The following ZNF570 variants were observed in gnomAD, a reference collection of about 807,000 sequenced individuals.
ZNF570 encodes the protein zinc finger protein 570.
Under a neutral mutation model 14.2 loss-of-function variants are expected in ZNF570, and 8 were observed. The ratio of observed to expected loss-of-function variants is 0.56; its 90% CI spans 0.33 to 1.02. ZNF570 has a LOEUF of 1.02. ZNF570 is among the 50% of genes least tolerant of loss of function. ZNF570 has a pLI of 0.03. For missense variants in ZNF570, 559 were observed against 624.9 expected (o/e 0.89, Z 1.12); for synonymous variants, 202 against 207.6 (o/e 0.97, Z 0.23).
In ZNF570 at chr19:37,484,717, A is replaced by G. The variant is rs757190241; in HGVS notation, c.1095A>G (p.Lys365=). 5 of 1,613,932 alleles carry G rather than the reference A, an allele frequency of 3.1e-6. No homozygotes were observed. Among genetic ancestry groups the G allele is most frequent in the East Asian group, 2.2e-5 (1 of 44,858 alleles). ...CCTATGAATGTAATGTCTGTGGGAA[A>G]GCATTTAGCCTTCGTGCATACCTTA... ...EKPYECNVCG[K]AFSLRAYLTV... The change falls in exon 5 of 5, where the codon AAA becomes AAG. Residue 365 remains lysine (K), a synonymous_variant. Coordinates refer to ENST00000330173, the MANE Select transcript of ZNF570 (RefSeq NM_144694.5).
upstream of ZNF570, chr19:37,468,002 T>A: frequency 6.9e-7 from 1 of 1,449,676 alleles, no homozygotes. Context: ...CCGCCTGACT[T>A]CTAAACAGAC....
chr19:37,485,284 G>T lies in ZNF570; in HGVS notation c.*51G>T. The stretch of plus-strand genomic sequence containing the variant: ...ATTTATACTGTTTTTTATCTTTAAT[G>T]TTGTCACCTTGGTCTGATTCATCTC... On this transcript the variant is annotated 3_prime_UTR_variant, in exon 5 of 5. Transcript: ENST00000330173. 1 of 1,470,544 alleles carries T rather than the reference G, an allele frequency of 6.8e-7. No homozygotes were observed. Among genetic ancestry groups the T allele is most frequent in the South Asian group, 1.5e-5 (1 of 68,628 alleles). 91.1% of individuals were successfully genotyped at this position (1,470,544 alleles called of 1,614,324 possible). A position where few individuals can be genotyped will look rare whatever the true frequency, so the allele number is the denominator to read the frequency against.
In ZNF570 at chr19:37,484,532, T is replaced by G. The variant is rs1374631119; in HGVS notation, c.910T>G (p.Cys304Gly). The change falls in exon 5 of 5, where the codon TGT becomes GGT. Residue 304 changes from cysteine to glycine, a missense_variant. Coordinates refer to ENST00000330173, the MANE Select transcript of ZNF570 (RefSeq NM_144694.5). ...RVHTGEKPYE[C>G]KVCRKAFSQF... ...TCATACTGGAGAAAAACCTTACGAA[T>G]GTAAGGTATGTCGAAAAGCCTTCAG... 1 of 1,614,096 alleles carries G rather than the reference T, an allele frequency of 6.2e-7. No individual in the cohort carries two copies. The highest frequency in any genetic ancestry group is 2.2e-5 in the East Asian group (1 of 44,874).
Position 37,484,621 on chromosome 19 carries a change from C to T in ZNF570, c.999C>T (p.Ile333=), listed in dbSNP as rs201674984. The T allele has an allele frequency of 1.7e-3, 2,801 of 1,611,712 alleles. 2 individuals carry two copies. Among genetic ancestry groups the T allele is most frequent in the Non-Finnish European group, 2.2e-3 (2,571 of 1,179,378 alleles). ...CGGGAGAGAAACCCTATGAATGTAT[C>T]GAATGTGGGAAAGCATTTAGCAACA... ...VHTGEKPYEC[I]ECGKAFSNRS... The change falls in exon 5 of 5, where the codon ATC becomes ATT. Residue 333 remains isoleucine, a synonymous_variant. Coordinates refer to ENST00000330173, the MANE Select transcript of ZNF570 (RefSeq NM_144694.5).
intron 2 of ZNF570, among the ~76,000 whole-genome samples, chr19:37,471,249 G>A (rs564059112): frequency 4.0e-5 from 6 of 151,130 alleles, no homozygotes; most frequent in Admixed American, 2.0e-4. Context: ...TCCTGACCTC[G>A]TGATCCGCCC....
At chr19:37,468,783 G>A (rs1737624325), upstream of ZNF570, among the ~76,000 whole-genome samples, 1 of 152,234 alleles carries the variant, frequency 6.6e-6, no homozygotes, top group African/African-American at 2.4e-5. Flanking sequence ...TGGGATTACA[G>A]GCGTGAGCCA....
rs566264653 is a variant in ZNF570 at position 37,483,839 on chromosome 19, C to T, written c.257-40C>T. The stretch of plus-strand genomic sequence containing the variant: ...ACTTTATTAAATGTACTTTCTGATA[C>T]TCAATAGAGGAGACATTTTTTCTTA... On this transcript the variant is annotated intron_variant, in intron 4 of 4. Coordinates refer to ENST00000330173, the MANE Select transcript of ZNF570 (RefSeq NM_144694.5). 2.6e-6 allele frequency: 4 copies of T among 1,528,800 alleles called. No homozygotes were observed. In the African/African-American group the frequency reaches 4.2e-5, roughly 16 times the overall value. The allele number at this position is 1,528,800 out of a possible 1,614,324, so 94.7% of individuals were successfully genotyped here.
rs1024920323 is a variant in ZNF570, at chr19:37,487,275, G to A, written c.*2042G>A. ...ATGGTTAAATTCGGGTAATTTAGAA[G>A]GCATGTAAAGTGTTCCATACTATAG... On this transcript the variant is annotated 3_prime_UTR_variant, in exon 5 of 5. Coordinates refer to ENST00000330173, the MANE Select transcript of ZNF570 (RefSeq NM_144694.5). 2 of 149,906 alleles carry A rather than the reference G, an allele frequency of 1.3e-5. No individual in the cohort carries two copies. The highest frequency in any genetic ancestry group is 1.3e-4 in the Admixed American group (2 of 15,014). 9.3% of individuals were successfully genotyped at this position (149,906 alleles called of 1,614,324 possible).
chr19:37,469,822 C>T (rs2041924868), intron 1 of ZNF570, among the ~76,000 whole-genome samples: 1 of 152,188 alleles, frequency 6.6e-6, no homozygotes, highest in South Asian at 2.1e-4. Context: ...ATACCCATGG[C>T]CTCTGACTGT....
intron 2 of ZNF570, among the ~76,000 whole-genome samples, chr19:37,472,568 C>T (rs568210014): frequency 1.3e-5 from 2 of 151,890 alleles, no homozygotes; most frequent in Middle Eastern, 3.4e-3. Flanking sequence ...TGCAGAAACC[C>T]CGTCTCTACT....
At chr19:37,481,046 A>T (rs913638100) in intron 4 of ZNF570, among the ~76,000 whole-genome samples, 1 of 151,624 alleles carries the variant, frequency 6.6e-6, no homozygotes, top group African/African-American at 2.4e-5. Flanking sequence ...CTTTATAAAT[A>T]TTTATATACT....
At chr19:37,468,408 A>G (rs1355489918), upstream of ZNF570, among the ~76,000 whole-genome samples, 1 of 152,112 alleles carries the variant, frequency 6.6e-6, no homozygotes, top group East Asian at 1.9e-4. Context: ...TTTAATAAAG[A>G]GATAATAGGC....
chr19:37,476,471 T>C lies in ZNF570; in HGVS notation c.256+37T>C, dbSNP rs373352896. 79 of 1,599,122 alleles carry C rather than the reference T, an allele frequency of 4.9e-5. No homozygotes were observed. The African/African-American group carries it at 8.2e-4, about 17-fold the overall frequency. On this transcript the variant is annotated intron_variant, in intron 4 of 4. Coordinates refer to ENST00000330173, the MANE Select transcript of ZNF570 (RefSeq NM_144694.5). The stretch of plus-strand genomic sequence containing the variant: ...GGAAATTGGCAAAAATCTTTGCACG[T>C]GACAGCTCAGCTTGACTCAAAGGTA...
At position 37,484,079 on chromosome 19, in the gene ZNF570, C is replaced by T; in HGVS notation, c.457C>T (p.His153Tyr). 2 of 1,614,092 alleles carry T rather than the reference C, an allele frequency of 1.2e-6. No individual in the cohort carries two copies. The highest frequency in any genetic ancestry group is 1.7e-6 in the Non-Finnish European group (2 of 1,180,010). Residue 153 changes from histidine (H) to tyrosine (Y), a missense_variant, in exon 5 of 5, where the codon CAT (histidine) becomes TAT (tyrosine). Coordinates refer to ENST00000330173, the MANE Select transcript of ZNF570 (RefSeq NM_144694.5). ...GTGTTTCAAGGAAGAGATAATCACT[C>T]ATGAAGAACCCCTTTTTGATGAGAG... is the stretch of plus-strand genomic sequence containing the variant. ...KACFKEEIIT[H>Y]EEPLFDEREQ... is the part of the protein sequence containing the mutation.
rs980936524 is a variant in ZNF570 at position 37,487,008 on chromosome 19, C to T, written c.*1775C>T. Reference sequence around the variant, plus strand: ...TATGAGGTCAGGAGTTCGAGACCAGCCTGCCTAACATGGTGAAACCCCATC... The same window carrying T: ...TATGAGGTCAGGAGTTCGAGACCAGTCTGCCTAACATGGTGAAACCCCATC... On this transcript the variant is annotated 3_prime_UTR_variant, in exon 5 of 5. Transcript: ENST00000330173. 6.6e-6 allele frequency: 1 copy of T among 152,052 alleles called. No homozygotes were observed. Among genetic ancestry groups the T allele is most frequent in the Non-Finnish European group, 1.5e-5 (1 of 68,046 alleles). The allele number at this position is 152,052 out of a possible 1,614,324, so 9.4% of individuals were successfully genotyped here. A position where few individuals can be genotyped will look rare whatever the true frequency, so the allele number is the denominator to read the frequency against.
chr19:37,483,761 C>T (rs2042112547), intron 4 of ZNF570, 118 bp from the exon 5 acceptor site: 4 of 1,080,290 alleles, frequency 3.7e-6, no homozygotes, highest in East Asian at 2.5e-5. Flanking sequence ...CTGCAAAAGC[C>T]AATGTTCCTG....
intron 4 of ZNF570, among the ~76,000 whole-genome samples, chr19:37,480,955 A>C (rs746084660): frequency 4.6e-5 from 7 of 152,174 alleles, no homozygotes; most frequent in East Asian, 3.9e-4. Flanking sequence ...TCTCAAAAAA[A>C]AAAACAAAAC....
chr19:37,469,271 A>G (rs2041910506), upstream of ZNF570: 5 of 1,405,196 alleles, frequency 3.6e-6, no homozygotes, highest in Non-Finnish European at 4.6e-6. Context: ...GACCTTTTCT[A>G]CTCCGGACTA....
rs1600380698 is a variant in ZNF570 at position 37,475,921 on chromosome 19, A to G, written c.74A>G (p.Gln25Arg). 1 of 1,613,900 alleles carries G rather than the reference A, an allele frequency of 6.2e-7. No individual in the cohort carries two copies. The highest frequency in any genetic ancestry group is 1.3e-5 in the African/African-American group (1 of 74,934). The change falls in exon 3 of 5, where the codon CAA (glutamine) becomes CGA (arginine). Residue 25 changes from glutamine to arginine, a missense_variant. Physicochemically the swap from Gln to Arg is conservative, Grantham distance 43 (BLOSUM62 1). Coordinates refer to ENST00000330173, the MANE Select transcript of ZNF570 (RefSeq NM_144694.5). ...TFRDVAVDFS[Q>R]EEWDCLDSSQ... is the part of the protein sequence containing the mutation. ...AGAGATGTGGCTGTAGACTTCTCCC[A>G]AGAGGAATGGGATTGTCTGGATTCT...
Sources: gnomAD v4.1 joint callset for allele counts (sites outside exome capture counted in the v4.1 genomes callset) on GRCh38, gnomAD v4.1.1 for gene constraint, MANE v1.5 for transcripts, NCBI Gene and HGNC (gene_info 2026-07-23, HGNC 2026-07-21) for gene names.